The following GRXCR1 variants were observed in gnomAD, a reference collection of about 807,000 sequenced individuals.
GRXCR1 encodes the protein glutaredoxin and cysteine rich domain containing 1, also known as glutaredoxin domain-containing cysteine-rich protein 1.
Under a neutral mutation model 27.3 loss-of-function variants are expected in GRXCR1, and 27 were observed. That is an observed-to-expected ratio of 0.99 (90% confidence interval 0.73 to 1.37). GRXCR1 has a LOEUF of 1.37. GRXCR1 is among the 40% of genes most tolerant of loss of function. The probability of loss-of-function intolerance (pLI) is 0.00; values close to 1 mark genes in which losing one functional copy is unlikely to be tolerated. For synonymous variants in GRXCR1, 122 were observed against 131.1 expected (o/e 0.93, Z 0.47); for missense variants, 379 against 354.4 (o/e 1.07, Z -0.56).
At chr4:42,994,838 T>A (rs1210379920) in intron 2 of GRXCR1, among the ~76,000 whole-genome samples, 1 of 152,148 alleles carries the variant, frequency 6.6e-6, no homozygotes, top group African/African-American at 2.4e-5. Flanking sequence ...ACATGTTACT[T>A]TAAAGTAAAC....
chr4:43,021,858 A>G (rs749433286), intron 3 of GRXCR1, among the ~76,000 whole-genome samples: 1 of 152,156 alleles, frequency 6.6e-6, no homozygotes, highest in African/African-American at 2.4e-5. Flanking sequence ...TCCATAATTT[A>G]TAATTTCTGA....
At chr4:42,958,724 C>A (rs1748064756) in intron 1 of GRXCR1, among the ~76,000 whole-genome samples, 1 of 151,874 alleles carries the variant, frequency 6.6e-6, no homozygotes, top group African/African-American at 2.4e-5. Flanking sequence ...ATAGCAAAAA[C>A]CAAATAATCC....
chr4:42,953,400 C>G (rs986947331), intron 1 of GRXCR1, among the ~76,000 whole-genome samples: 1 of 152,098 alleles, frequency 6.6e-6, no homozygotes, highest in Non-Finnish European at 1.5e-5. Flanking sequence ...CACCATGTTA[C>G]AAGAAAGTAC....
intron 2 of GRXCR1, among the ~76,000 whole-genome samples, chr4:42,978,273 A>T (rs1311774052): frequency 1.3e-5 from 2 of 151,950 alleles, no homozygotes; most frequent in Admixed American, 1.3e-4. Flanking sequence ...TTTGCTCAAG[A>T]TTTATTTAGC....
chr4:42,954,088 T>A (rs1435866448), intron 1 of GRXCR1, among the ~76,000 whole-genome samples: 5 of 152,116 alleles, frequency 3.3e-5, no homozygotes. Context: ...ATATTCTGGG[T>A]TCTTAGTTCT....
At chr4:42,977,697 G>T (rs974071017) in intron 2 of GRXCR1, among the ~76,000 whole-genome samples, 3 of 151,814 alleles carry the variant, frequency 2.0e-5, no homozygotes, top group Non-Finnish European at 4.4e-5. Context: ...TGTATATTCT[G>T]GAAATTCATC....
At chr4:43,011,669 A>G (rs575385104) in intron 2 of GRXCR1, among the ~76,000 whole-genome samples, 1 of 152,208 alleles carries the variant, frequency 6.6e-6, no homozygotes, top group East Asian at 1.9e-4. Context: ...TAAAAGATAA[A>G]CCGGGTTATC....
intron 1 of GRXCR1, among the ~76,000 whole-genome samples, chr4:42,909,162 A>AC (rs765843261): frequency 3.3e-5 from 5 of 152,160 alleles, no homozygotes; most frequent in Non-Finnish European, 2.9e-5. Flanking sequence ...CTACGTGGCA[A>AC]CCCTCATTCC....
chr4:42,987,247 T>TATAA (rs1711788162), intron 2 of GRXCR1, among the ~76,000 whole-genome samples: 6 of 82,370 alleles, frequency 7.3e-5, no homozygotes, highest in African/African-American at 2.9e-4. Flanking sequence ...ATATAATATA[T>TATAA]AATATATATA....
At chr4:42,894,176 T>A (rs1413722324) in intron 1 of GRXCR1, among the ~76,000 whole-genome samples, 2 of 152,130 alleles carry the variant, frequency 1.3e-5, no homozygotes, top group Admixed American at 6.6e-5. Context: ...CAATATCAAT[T>A]TCTCTATTAA....
At chr4:43,009,846 TTCTC>T (rs747282756) in intron 2 of GRXCR1, among the ~76,000 whole-genome samples, 5 of 152,188 alleles carry the variant, frequency 3.3e-5, no homozygotes, top group Non-Finnish European at 5.9e-5. Context: ...AGCAATACAT[TTCTC>T]TATATATATT....
Position 43,029,143 on chromosome 4 carries a change from G to A in GRXCR1, c.694-1218G>A, listed in dbSNP as rs569066096. Among the ~76,000 whole-genome samples, 90 of 152,208 alleles carry A rather than the reference G, an allele frequency of 5.9e-4. No individual in the cohort carries two copies. In the South Asian group the frequency reaches 0.017, roughly 28 times the overall value. On this transcript the variant is annotated intron_variant, in intron 3 of 3. Transcript: ENST00000399770. ...ATCCCACAGGTTACTAATTATGAGA[G>A]AATTATATTATTGACTCGATAAAAA... is the stretch of plus-strand genomic sequence containing the variant.
chr4:42,938,953 T>G (rs1747532140), intron 1 of GRXCR1, among the ~76,000 whole-genome samples: 1 of 152,026 alleles, frequency 6.6e-6, no homozygotes, highest in Non-Finnish European at 1.5e-5. Flanking sequence ...TTCCTCCAGT[T>G]TTATTCTTTT....
At chr4:42,938,873 T>A (rs951719361) in intron 1 of GRXCR1, among the ~76,000 whole-genome samples, 10 of 151,872 alleles carry the variant, frequency 6.6e-5, no homozygotes, top group Non-Finnish European at 1.3e-4. Context: ...TGTCTGTTTT[T>A]TTTTTTGCCA....
intron 3 of GRXCR1, 146 bp downstream of exon 3, chr4:43,020,565 T>G (rs1277052225): frequency 1.3e-5 from 9 of 683,218 alleles, no homozygotes; most frequent in Non-Finnish European, 2.1e-5. Flanking sequence ...ATTTGATATC[T>G]TCTGTTATTA....
chr4:43,021,513 A>G (rs1333532138), intron 3 of GRXCR1, among the ~76,000 whole-genome samples: 4 of 152,218 alleles, frequency 2.6e-5, no homozygotes, highest in Non-Finnish European at 5.9e-5. Flanking sequence ...CAGAAGGAAA[A>G]CAATGGATTC....
intron 1 of GRXCR1, among the ~76,000 whole-genome samples, chr4:42,905,646 T>C (rs1746571357): frequency 6.6e-6 from 1 of 152,180 alleles, no homozygotes; most frequent in South Asian, 2.1e-4. Flanking sequence ...ATGGATGCCA[T>C]AGCTTACAGC....
intron 1 of GRXCR1, among the ~76,000 whole-genome samples, chr4:42,936,067 C>T (rs1747451700): frequency 6.6e-6 from 1 of 151,862 alleles, no homozygotes; most frequent in South Asian, 2.1e-4. Context: ...ACCAGCTATG[C>T]TCTGGAGACT....
chr4:42,935,766 T>A (rs1248694440), intron 1 of GRXCR1, among the ~76,000 whole-genome samples: 1 of 151,864 alleles, frequency 6.6e-6, no homozygotes, highest in Non-Finnish European at 1.5e-5. Flanking sequence ...TAGATTAAAG[T>A]TCTTTTTGAA....
Sources: gnomAD v4.1 joint callset for allele counts (sites outside exome capture counted in the v4.1 genomes callset) on GRCh38, gnomAD v4.1.1 for gene constraint, MANE v1.5 for transcripts, NCBI Gene and HGNC (gene_info 2026-07-23, HGNC 2026-07-21) for gene names.